TG: variants seen among roughly 807,000 people sequenced by gnomAD.
The protein encoded by TG is thyroid hormones.
Under a neutral mutation model 324.7 loss-of-function variants are expected in TG, and 270 were observed. The ratio of observed to expected loss-of-function variants is 0.83; its 90% CI spans 0.75 to 0.92. TG has a LOEUF of 0.92. Among genes scored for constraint, TG ranks in the 40% least tolerant of loss-of-function variants. TG has a pLI of 0.00. For synonymous variants in TG, 1,401 were observed against 1,327.0 expected (o/e 1.06, Z -1.21); for missense variants, 3,591 against 3,456.4 (o/e 1.04, Z -0.98).
chr8:133,092,864 A>C (rs1847786306), intron 41 of TG, among the ~76,000 whole-genome samples: 1 of 152,252 alleles, frequency 6.6e-6, no homozygotes, highest in South Asian at 2.1e-4. Context: ...AGAAAGATCA[A>C]TTTAAACAAA....
chr8:133,014,260 C>G (rs1053272846), intron 37 of TG, among the ~76,000 whole-genome samples: 2 of 152,216 alleles, frequency 1.3e-5, no homozygotes, highest in African/African-American at 4.8e-5. Context: ...GCCATGCAGC[C>G]TAACTATCGC....
At chr8:133,119,666 C>T (rs1331926527) in intron 45 of TG, among the ~76,000 whole-genome samples, 3 of 152,190 alleles carry the variant, frequency 2.0e-5, no homozygotes, top group East Asian at 1.9e-4. Context: ...TACAAACACA[C>T]TGGGGATTCC....
intron 43 of TG, among the ~76,000 whole-genome samples, chr8:133,101,361 A>C (rs1362553490): frequency 6.6e-6 from 1 of 152,108 alleles, no homozygotes; most frequent in Non-Finnish European, 1.5e-5. Flanking sequence ...GCCCACTCCC[A>C]ACCTGAATTT....
chr8:132,869,805 C>A lies in TG; in HGVS notation c.253C>A (p.Gln85Lys), dbSNP rs1181511105. The change falls in exon 3 of 48, where the codon CAG (glutamine) becomes AAG (lysine). Residue 85 changes from glutamine to lysine, a missense_variant. By Grantham distance (53) the Gln-to-Lys change is moderately conservative (BLOSUM62 1). Coordinates refer to ENST00000220616, the MANE Select transcript of TG (RefSeq NM_003235.5). ...ANGSEVLGSR[Q>K]PGRPVACLSF... ...CGGCAGTGAAGTGCTGGGCAGCAGG[C>A]AGCCAGGACGGCCTGTGGCTTGTAA... is the stretch of plus-strand genomic sequence containing the variant. The A allele has an allele frequency of 6.2e-7, 1 of 1,614,084 alleles. No individual in the cohort carries two copies. Among genetic ancestry groups the A allele is most frequent in the Non-Finnish European group, 8.5e-7 (1 of 1,180,022 alleles).
chr8:133,087,200 T>G (rs1846728118), intron 41 of TG, among the ~76,000 whole-genome samples: 1 of 152,162 alleles, frequency 6.6e-6, no homozygotes, highest in Non-Finnish European at 1.5e-5. Context: ...AATTTTAATT[T>G]TCTTTGTTTC....
At chr8:132,950,885 T>C (rs1587541044) in intron 27 of TG, among the ~76,000 whole-genome samples, 1 of 152,322 alleles carries the variant, frequency 6.6e-6, no homozygotes, top group East Asian at 1.9e-4. Flanking sequence ...CCTTGACCTA[T>C]ACTCACAAGT....
intron 43 of TG, among the ~76,000 whole-genome samples, chr8:133,108,287 G>A (rs1363220326): frequency 6.6e-6 from 1 of 151,994 alleles, no homozygotes; most frequent in Non-Finnish European, 1.5e-5. Context: ...CGCCCGGCCT[G>A]GGGACCACTC....
intron 35 of TG, among the ~76,000 whole-genome samples, chr8:133,009,146 A>G (rs1834275535): frequency 6.6e-6 from 1 of 152,224 alleles, no homozygotes; most frequent in Non-Finnish European, 1.5e-5. Context: ...ACATCAACCT[A>G]AACACAGAGT....
rs565345795 is a variant in TG at position 132,889,970 on chromosome 8, C to T, written c.2761+1402C>T. On this transcript the variant is annotated intron_variant, in intron 10 of 47. Coordinates refer to ENST00000220616, the MANE Select transcript of TG (RefSeq NM_003235.5). ...TTTTTTTTTGTACTTTTAGTAGAGA[C>T]GGGGTTTCACCATGTTGGCCAGGCT... 1.5e-4 allele frequency among the ~76,000 whole-genome samples: 23 copies of T among 151,964 alleles called. No homozygotes were observed. The East Asian group carries it at 2.7e-3, about 18-fold the overall frequency.
At chr8:133,049,794 G>A (rs1259385709) in intron 41 of TG, 5 of 808,610 alleles carry the variant, frequency 6.2e-6, no homozygotes, top group South Asian at 1.4e-5. Flanking sequence ...ATCTCTTCTT[G>A]ACCCAGTGCC....
At chr8:133,124,246 G>T (rs987386361) in intron 45 of TG, among the ~76,000 whole-genome samples, 1 of 152,196 alleles carries the variant, frequency 6.6e-6, no homozygotes, top group Non-Finnish European at 1.5e-5. Context: ...CTGCATCTGG[G>T]TCTTTCTTCT....
intron 5 of TG, among the ~76,000 whole-genome samples, chr8:132,876,143 G>A (rs778978676): frequency 2.0e-4 from 31 of 152,138 alleles, no homozygotes; most frequent in Non-Finnish European, 3.8e-4. Context: ...GGAGAGCAGA[G>A]TGAGTGCAAG....
At chr8:132,997,563 T>C (rs1167198568) in intron 35 of TG, among the ~76,000 whole-genome samples, 1 of 152,162 alleles carries the variant, frequency 6.6e-6, no homozygotes, top group East Asian at 1.9e-4. Context: ...ACTGGTGGCA[T>C]CTGCTATCAT....
At chr8:133,033,881 A>G (rs1480034178) in intron 41 of TG, among the ~76,000 whole-genome samples, 3 of 152,212 alleles carry the variant, frequency 2.0e-5, no homozygotes, top group African/African-American at 7.2e-5. Context: ...TCTCATTCCA[A>G]TTCTACTATG....
rs551808253 is a variant in TG, at chr8:133,065,480, G to T, written c.7240-29564G>T. On this transcript the variant is annotated intron_variant, in intron 41 of 47. Transcript: ENST00000220616. ...GAAAAGTGATTTTTAAAAGTTATCA[G>T]GCCGGGCGCGGTGGCTCACACCTGT... is the stretch of plus-strand genomic sequence containing the variant. 6.6e-5 allele frequency among the ~76,000 whole-genome samples: 10 copies of T among 152,318 alleles called. No homozygotes were observed. In the South Asian group the frequency reaches 1.7e-3, roughly 25 times the overall value.
At chr8:132,939,817 C>T (rs1207910830) in intron 25 of TG, among the ~76,000 whole-genome samples, 1 of 152,070 alleles carries the variant, frequency 6.6e-6, no homozygotes, top group Non-Finnish European at 1.5e-5. Flanking sequence ...GCTGGGACTA[C>T]AGACGTGCAC....
intron 41 of TG, among the ~76,000 whole-genome samples, chr8:133,066,360 GAACAA>G (rs1239827446): frequency 2.0e-5 from 3 of 150,238 alleles, no homozygotes; most frequent in African/African-American, 4.9e-5. Context: ...TACTGCTGTG[GAACAA>G]AACAAAAGAA....
chr8:133,108,945 G>A (rs1185324386), intron 43 of TG, among the ~76,000 whole-genome samples: 1 of 152,196 alleles, frequency 6.6e-6, no homozygotes, highest in Non-Finnish European at 1.5e-5. Context: ...CAACTACTGT[G>A]CTAAACACTT....
chr8:133,132,279 G>T (rs533623977), intron 46 of TG, among the ~76,000 whole-genome samples: 1 of 152,266 alleles, frequency 6.6e-6, no homozygotes, highest in South Asian at 2.1e-4. Flanking sequence ...AGCATCCTTG[G>T]CCTCTAGATG....
Sources: gnomAD v4.1 joint callset for allele counts (sites outside exome capture counted in the v4.1 genomes callset) on GRCh38, gnomAD v4.1.1 for gene constraint, MANE v1.5 for transcripts, NCBI Gene and HGNC (gene_info 2026-07-23, HGNC 2026-07-21) for gene names.